EPHA6: variants seen among roughly 807,000 people sequenced by gnomAD.
EPHA6 encodes the protein EPH receptor A6.
In EPHA6, 50 loss-of-function variants were observed where a neutral mutation model predicts 112.0. That is an observed-to-expected ratio of 0.45 (90% CI 0.36 to 0.56). EPHA6 has a LOEUF of 0.56. EPHA6 is among the 20% of genes least tolerant of loss of function. The pLI, the probability that EPHA6 is intolerant of heterozygous loss-of-function variation, is 0.00. For missense variants in EPHA6, 1,280 were observed against 1,417.4 expected (o/e 0.90, Z 1.56); for synonymous variants, 529 against 490.7 (o/e 1.08, Z -1.03).
intron 3 of EPHA6, among the ~76,000 whole-genome samples, chr3:97,154,892 T>C (rs1358691506): frequency 6.6e-6 from 1 of 152,198 alleles, no homozygotes; most frequent in Non-Finnish European, 1.5e-5. Context: ...ATATGCATAC[T>C]TTATTCACAT....
intron 11 of EPHA6, among the ~76,000 whole-genome samples, chr3:97,562,178 A>G (rs1350068043): frequency 6.6e-6 from 1 of 152,296 alleles, no homozygotes; most frequent in Admixed American, 6.5e-5. Flanking sequence ...GGAAGTTTTG[A>G]CTTTCAATGT....
chr3:97,407,166 A>G (rs1362121234), intron 6 of EPHA6, among the ~76,000 whole-genome samples: 3 of 152,106 alleles, frequency 2.0e-5, no homozygotes, highest in Non-Finnish European at 2.9e-5. Context: ...TCCAATCAAA[A>G]TTTTATAAAT....
chr3:97,114,793 A>G (rs893369737), intron 3 of EPHA6, among the ~76,000 whole-genome samples: 3 of 152,088 alleles, frequency 2.0e-5, no homozygotes, highest in Non-Finnish European at 2.9e-5. Flanking sequence ...AATAAGTTGC[A>G]TTGTTTTTTC....
At chr3:97,199,972 T>C (rs1335674930) in intron 3 of EPHA6, among the ~76,000 whole-genome samples, 10 of 152,118 alleles carry the variant, frequency 6.6e-5, no homozygotes, top group Admixed American at 6.6e-4. Flanking sequence ...AGAGAAGTCT[T>C]AATCTCGTGA....
chr3:97,417,773 T>C (rs2088251639), intron 6 of EPHA6, among the ~76,000 whole-genome samples: 1 of 152,186 alleles, frequency 6.6e-6, no homozygotes, highest in African/African-American at 2.4e-5. Flanking sequence ...ACTTTGGTGC[T>C]GAGCTAAGGT....
At chr3:97,655,248 A>C (rs962456238) in intron 14 of EPHA6, among the ~76,000 whole-genome samples, 3 of 151,462 alleles carry the variant, frequency 2.0e-5, no homozygotes, top group Non-Finnish European at 4.4e-5. Flanking sequence ...TCCATGGGAG[A>C]CTATGTCAGT....
At chr3:96,980,204 A>C (rs1337665590) in intron 2 of EPHA6, among the ~76,000 whole-genome samples, 1 of 152,144 alleles carries the variant, frequency 6.6e-6, no homozygotes, top group Non-Finnish European at 1.5e-5. Context: ...TTAAGTCTTT[A>C]ATCCATCTTG....
intron 5 of EPHA6, among the ~76,000 whole-genome samples, chr3:97,379,507 T>A (rs1187143686): frequency 6.6e-6 from 1 of 151,888 alleles, no homozygotes; most frequent in Non-Finnish European, 1.5e-5. Context: ...TCCCAACACT[T>A]TGGGAGGCTG....
chr3:97,183,946 C>G (rs1197233555), intron 3 of EPHA6, among the ~76,000 whole-genome samples: 1 of 152,076 alleles, frequency 6.6e-6, no homozygotes, highest in Non-Finnish European at 1.5e-5. Flanking sequence ...ATTAGCTGAT[C>G]TTCCAAAATA....
At chr3:97,183,720 C>T (rs1400251507) in intron 3 of EPHA6, among the ~76,000 whole-genome samples, 1 of 151,912 alleles carries the variant, frequency 6.6e-6, no homozygotes, top group Non-Finnish European at 1.5e-5. Flanking sequence ...TGTGCACACT[C>T]ATAGATGTTC....
intron 2 of EPHA6, among the ~76,000 whole-genome samples, chr3:96,871,184 T>C (rs549378179): frequency 6.6e-6 from 1 of 152,138 alleles, no homozygotes; most frequent in East Asian, 1.9e-4. Context: ...TAGGTTTTGT[T>C]AATTAATCAA....
intron 3 of EPHA6, among the ~76,000 whole-genome samples, chr3:96,998,645 T>G (rs966026569): frequency 2.0e-5 from 3 of 151,924 alleles, no homozygotes; most frequent in Non-Finnish European, 4.4e-5. Flanking sequence ...CTTGGGAGAT[T>G]ATGTATAGGT....
At chr3:97,304,340 C>T (rs113703963) in intron 5 of EPHA6, among the ~76,000 whole-genome samples, 3,261 of 151,884 alleles carry the variant, frequency 0.021, 87 homozygotes, top group African/African-American at 0.067. Flanking sequence ...AGGAAAGGGG[C>T]AATGCTATTC....
chr3:97,315,760 A>G (rs867582257), intron 5 of EPHA6, among the ~76,000 whole-genome samples: 5 of 151,782 alleles, frequency 3.3e-5, no homozygotes, highest in Admixed American at 2.6e-4. Context: ...TAACAAGTCT[A>G]TGAAATGTTT....
At chr3:97,499,827 G>A (rs1227365473) in intron 10 of EPHA6, among the ~76,000 whole-genome samples, 1 of 152,108 alleles carries the variant, frequency 6.6e-6, no homozygotes, top group Non-Finnish European at 1.5e-5. Context: ...AGTGAGTAAG[G>A]TGTGAATGTG....
chr3:96,833,057 A>G (rs2034187252), intron 1 of EPHA6, among the ~76,000 whole-genome samples: 1 of 151,652 alleles, frequency 6.6e-6, no homozygotes, highest in African/African-American at 2.4e-5. Context: ...TCTGCGTTGA[A>G]TTATGTCCTC....
At chr3:97,150,516 G>C (rs1403394109) in intron 3 of EPHA6, among the ~76,000 whole-genome samples, 3 of 151,840 alleles carry the variant, frequency 2.0e-5, no homozygotes, top group Non-Finnish European at 2.9e-5. Flanking sequence ...CAAGCTCAGG[G>C]TTCCGCCCCT....
At chr3:97,686,394 T>C (rs2032252693) in intron 14 of EPHA6, among the ~76,000 whole-genome samples, 1 of 152,120 alleles carries the variant, frequency 6.6e-6, no homozygotes. Flanking sequence ...ATGGCAGGTA[T>C]TAAGAATTGG....
chr3:97,592,529 A>AT, intron 11 of EPHA6, 83 bp from the exon 12 acceptor site: 1 of 1,518,444 alleles, frequency 6.6e-7, no homozygotes, highest in Non-Finnish European at 9.0e-7. Flanking sequence ...GTCTTTGTTG[A>AT]TTTTAGGTTT....
Sources: gnomAD v4.1 joint callset for allele counts (sites outside exome capture counted in the v4.1 genomes callset) on GRCh38, gnomAD v4.1.1 for gene constraint, MANE v1.5 for transcripts, NCBI Gene and HGNC (gene_info 2026-07-23, HGNC 2026-07-21) for gene names.